SYN3: variants seen among roughly 807,000 people sequenced by gnomAD.
SYN3 encodes the protein synapsin-3.
SYN3 carries 35 observed loss-of-function variants against 65.8 expected under a neutral mutation model. The observed-to-expected ratio is 0.53, with a 90% CI of 0.41 to 0.70. SYN3 has a LOEUF of 0.70. Among genes scored for constraint, SYN3 ranks in the 30% least tolerant of loss-of-function variants. The probability of loss-of-function intolerance (pLI) is 0.00; values close to 1 mark genes in which losing one functional copy is unlikely to be tolerated. For synonymous variants in SYN3, 270 were observed against 292.9 expected, an observed-to-expected ratio of 0.92 and a Z score of 0.80; for missense variants, 680 against 749.0, an observed-to-expected ratio of 0.91 and a Z score of 1.08.
chr22:32,949,550 A>G (rs2051224919), intron 3 of SYN3, among the ~76,000 whole-genome samples: 1 of 152,152 alleles, frequency 6.6e-6, no homozygotes, highest in African/African-American at 2.4e-5. Flanking sequence ...ACCCACACAC[A>G]CGCATGCATG....
At chr22:32,746,130 C>G (rs576649256) in intron 6 of SYN3, among the ~76,000 whole-genome samples, 6 of 152,162 alleles carry the variant, frequency 3.9e-5, no homozygotes, top group African/African-American at 1.4e-4. Flanking sequence ...GGTCAGTTCA[C>G]AGAGTTGCTA....
intron 6 of SYN3, among the ~76,000 whole-genome samples, chr22:32,726,358 T>A (rs566241231): frequency 2.0e-5 from 3 of 152,248 alleles, no homozygotes; most frequent in South Asian, 2.1e-4. Flanking sequence ...GGCCAGGATG[T>A]TCTTGATCTC....
chr22:32,956,062 A>ATATATATAT (rs58485646), intron 3 of SYN3, among the ~76,000 whole-genome samples: 4 of 144,898 alleles, frequency 2.8e-5, no homozygotes, highest in African/African-American at 7.7e-5. Flanking sequence ...ATATATATAT[A>ATATATATAT]AAATCTCCTA....
At chr22:32,728,996 G>A (rs1205366049) in intron 6 of SYN3, among the ~76,000 whole-genome samples, 2 of 152,184 alleles carry the variant, frequency 1.3e-5, no homozygotes, top group East Asian at 3.9e-4. Context: ...TGAGCTCAAC[G>A]GTGGGCCCAG....
In SYN3 at chr22:32,660,969, A is replaced by T. The variant is rs886402441; in HGVS notation, c.712-64233T>A. Among the ~76,000 whole-genome samples the T allele has an allele frequency of 8.2e-3, 1,252 of 152,344 alleles. 17 individuals are homozygous for T. Among genetic ancestry groups the T allele is most frequent in the African/African-American group, 0.029 (1,205 of 41,582 alleles). Reference sequence around the variant, plus strand: ...CGTTCAAGGTTCCCTAATGTGAGCCATTGGAGACATGGCTGGGATCAACTT... The same window carrying T: ...CGTTCAAGGTTCCCTAATGTGAGCCTTTGGAGACATGGCTGGGATCAACTT... On this transcript the variant is annotated intron_variant, in intron 6 of 13. Coordinates refer to ENST00000358763, the MANE Select transcript of SYN3 (RefSeq NM_003490.4).
At chr22:32,707,251 A>ATGT (rs1198234475) in intron 6 of SYN3, among the ~76,000 whole-genome samples, 1 of 152,198 alleles carries the variant, frequency 6.6e-6, no homozygotes, top group Non-Finnish European at 1.5e-5. Context: ...GGATGTGGAC[A>ATGT]TGTTTCCTAG....
chr22:32,740,446 C>T (rs2061390055), intron 6 of SYN3, among the ~76,000 whole-genome samples: 1 of 152,066 alleles, frequency 6.6e-6, no homozygotes, highest in Admixed American at 6.6e-5. Context: ...GAGTTTTGAT[C>T]AGAATCTTAG....
At chr22:32,559,847 AG>A (rs1255249047) in intron 7 of SYN3, among the ~76,000 whole-genome samples, 3,688 of 150,480 alleles carry the variant, frequency 0.025, 57 homozygotes, top group Non-Finnish European at 0.034. Flanking sequence ...AAAAAAAAAA[AG>A]AAAAAAAGAA....
At chr22:33,005,525 C>T (rs1482235192) in intron 2 of SYN3, among the ~76,000 whole-genome samples, 2 of 152,236 alleles carry the variant, frequency 1.3e-5, no homozygotes, top group African/African-American at 4.8e-5. Flanking sequence ...TGCCTGGCAC[C>T]GAATCAGTGC....
At chr22:33,054,368 C>T (rs2054221646) in intron 1 of SYN3, among the ~76,000 whole-genome samples, 1 of 152,168 alleles carries the variant, frequency 6.6e-6, no homozygotes, top group Admixed American at 6.5e-5. Context: ...GAATAGTGCT[C>T]CCATCCACCC....
At chr22:32,586,943 G>A (rs771961222) in intron 7 of SYN3, among the ~76,000 whole-genome samples, 3 of 152,140 alleles carry the variant, frequency 2.0e-5, no homozygotes, top group African/African-American at 2.4e-5. Context: ...CAGAGAATAC[G>A]CCGGGAGCGG....
chr22:32,717,788 T>C (rs574782303), intron 6 of SYN3, among the ~76,000 whole-genome samples: 2 of 152,294 alleles, frequency 1.3e-5, no homozygotes, highest in East Asian at 3.9e-4. Context: ...GGAGTCTGAC[T>C]GACAAGGCCT....
At chr22:32,662,163 G>A (rs2060225341) in intron 6 of SYN3, among the ~76,000 whole-genome samples, 1 of 152,060 alleles carries the variant, frequency 6.6e-6, no homozygotes, top group Non-Finnish European at 1.5e-5. Flanking sequence ...AGGTTTCCAG[G>A]TATTCCCCCT....
At chr22:33,033,581 C>T (rs965259350) in intron 1 of SYN3, among the ~76,000 whole-genome samples, 2 of 152,170 alleles carry the variant, frequency 1.3e-5, no homozygotes, top group South Asian at 2.1e-4. Flanking sequence ...TCTCACTCAG[C>T]CCCCTAGTCT....
At chr22:32,587,775 G>T (rs2059070682) in intron 7 of SYN3, among the ~76,000 whole-genome samples, 1 of 152,158 alleles carries the variant, frequency 6.6e-6, no homozygotes, top group Admixed American at 6.5e-5. Context: ...TGGAGGAGCG[G>T]CCCTCTCATC....
intron 6 of SYN3, among the ~76,000 whole-genome samples, chr22:32,639,461 T>C (rs1158764053): frequency 1.3e-5 from 2 of 152,236 alleles, no homozygotes; most frequent in Non-Finnish European, 2.9e-5. Context: ...TCTATGTGTC[T>C]GTTTTGTACC....
chr22:32,844,510 A>C (rs990889331), intron 6 of SYN3, among the ~76,000 whole-genome samples: 3 of 152,198 alleles, frequency 2.0e-5, no homozygotes, highest in African/African-American at 7.2e-5. Context: ...ATTCAAAGGA[A>C]GCAAAGACAG....
At chr22:32,962,718 T>C (rs1227722236) in intron 3 of SYN3, among the ~76,000 whole-genome samples, 1 of 152,102 alleles carries the variant, frequency 6.6e-6, no homozygotes, top group African/African-American at 2.4e-5. Context: ...AGTTTCTTTG[T>C]CTGTAATAGT....
intron 1 of SYN3, among the ~76,000 whole-genome samples, chr22:33,043,367 G>A (rs968279396): frequency 6.6e-6 from 1 of 152,082 alleles, no homozygotes; most frequent in African/African-American, 2.4e-5. Context: ...GGCCAACATG[G>A]CGAAACCCCG....
Sources: gnomAD v4.1 joint callset for allele counts (sites outside exome capture counted in the v4.1 genomes callset) on GRCh38, gnomAD v4.1.1 for gene constraint, MANE v1.5 for transcripts, NCBI Gene and HGNC (gene_info 2026-07-23, HGNC 2026-07-21) for gene names.